BEND4: variants seen among roughly 807,000 people sequenced by gnomAD.
BEND4 encodes BEN domain containing 4, also known as BEN domain-containing protein 4.
A neutral mutation model predicts 54.7 loss-of-function variants in BEND4; 27 were observed. The ratio of observed to expected loss-of-function variants is 0.49; its 90% CI spans 0.36 to 0.68. The LOEUF (loss-of-function observed/expected upper bound fraction) is 0.68, where lower values mean the gene tolerates loss of function less well. BEND4 is among the 30% of genes least tolerant of loss of function. The pLI is 0.00. For synonymous variants in BEND4, 327 were observed against 299.5 expected, an observed-to-expected ratio of 1.09 and a Z score of -0.95; for missense variants, 702 against 697.2, an observed-to-expected ratio of 1.01 and a Z score of -0.08.
chr4:42,128,481 G>A (rs772402360), intron 3 of BEND4, among the ~76,000 whole-genome samples: 10 of 152,102 alleles, frequency 6.6e-5, no homozygotes, highest in Admixed American at 2.0e-4. Flanking sequence ...AAAATTAGCC[G>A]GGTGTGGTGG....
intron 3 of BEND4, among the ~76,000 whole-genome samples, chr4:42,129,677 C>A (rs1720432054): frequency 6.6e-6 from 1 of 152,134 alleles, no homozygotes. Flanking sequence ...TAGCCATATG[C>A]AGAAAACTGA....
intron 3 of BEND4, among the ~76,000 whole-genome samples, chr4:42,126,734 G>A (rs989431885): frequency 3.5e-4 from 54 of 152,222 alleles, no homozygotes; most frequent in African/African-American, 1.3e-3. Flanking sequence ...AGCTTAGGCC[G>A]GGCGTGGTGG....
chr4:42,120,394 G>A (rs1720011688), intron 4 of BEND4, 100 bp from the exon 5 acceptor site: 2 of 1,434,894 alleles, frequency 1.4e-6, no homozygotes, highest in East Asian at 2.3e-5. Context: ...TTAACCAAGT[G>A]GCTATGCTGA....
At chr4:42,128,766 T>TACAAACAA (rs144267530) in intron 3 of BEND4, among the ~76,000 whole-genome samples, 5 of 150,306 alleles carry the variant, frequency 3.3e-5, no homozygotes, top group African/African-American at 7.4e-5. Flanking sequence ...CTACTAAAAA[T>TACAAACAA]ACAAACAAAC....
chr4:42,138,862 T>C (rs1235913454), intron 3 of BEND4, among the ~76,000 whole-genome samples: 1 of 152,238 alleles, frequency 6.6e-6, no homozygotes, highest in Non-Finnish European at 1.5e-5. Context: ...TTTTCACATT[T>C]AGTATCTATG....
intron 5 of BEND4, among the ~76,000 whole-genome samples, chr4:42,119,458 C>G (rs1719976578): frequency 1.3e-5 from 2 of 152,176 alleles, no homozygotes; most frequent in African/African-American, 4.8e-5. Context: ...ACCCCTCTGC[C>G]TGGCCTACAA....
At chr4:42,142,325 A>C (rs943934555) in intron 3 of BEND4, among the ~76,000 whole-genome samples, 90 of 151,626 alleles carry the variant, frequency 5.9e-4, no homozygotes, top group African/African-American at 2.0e-3. Flanking sequence ...ATTCAAAGAT[A>C]AAAGTAAAAT....
chr4:42,118,510 T>C (rs1484023485), intron 5 of BEND4, among the ~76,000 whole-genome samples: 2 of 152,186 alleles, frequency 1.3e-5, no homozygotes, highest in African/African-American at 4.8e-5. Flanking sequence ...CAGTCTCTGG[T>C]TAGGCAGCCT....
intron 5 of BEND4, among the ~76,000 whole-genome samples, chr4:42,118,447 C>T (rs1719929939): frequency 6.6e-6 from 1 of 152,112 alleles, no homozygotes; most frequent in Non-Finnish European, 1.5e-5. Context: ...CAACCAAAAG[C>T]GGGATGGAGG....
intron 3 of BEND4, among the ~76,000 whole-genome samples, chr4:42,127,781 T>A (rs535973993): frequency 9.2e-5 from 14 of 152,282 alleles, no homozygotes; most frequent in East Asian, 5.8e-4. Context: ...CTACCTTGGA[T>A]TTTGCTTGGA....
chr4:42,144,716 A>G (rs1721017916), intron 2 of BEND4, among the ~76,000 whole-genome samples: 2 of 152,206 alleles, frequency 1.3e-5, no homozygotes, highest in Non-Finnish European at 2.9e-5. Flanking sequence ...CTTCCAGTAG[A>G]TTGCCAAATA....
intron 3 of BEND4, among the ~76,000 whole-genome samples, chr4:42,134,805 A>T (rs1720640029): frequency 1.3e-5 from 2 of 152,176 alleles, no homozygotes; most frequent in South Asian, 4.1e-4. Context: ...GTATGTTCTT[A>T]GGTTGAAAGG....
rs561742893 is a variant in BEND4 at position 42,143,285 on chromosome 4, T to C, written c.1054+143A>G. 236 of 747,376 alleles carry C rather than the reference T, an allele frequency of 3.2e-4. 1 individual carries two copies. The African/African-American group carries it at 3.9e-3, about 12-fold the overall frequency. 46.3% of individuals were successfully genotyped at this position (747,376 alleles called of 1,614,324 possible). The stretch of plus-strand genomic sequence containing the variant: ...TGAGCATGTCTGTTTTTTCCAACTT[T>C]TCTACATCACTGGCCAAAAAACAAA... On this transcript the variant is annotated intron_variant, in intron 3 of 5. Coordinates refer to ENST00000502486, the MANE Select transcript of BEND4 (RefSeq NM_207406.4).
At chr4:42,134,885 A>G (rs1720642648) in intron 3 of BEND4, among the ~76,000 whole-genome samples, 1 of 152,196 alleles carries the variant, frequency 6.6e-6, no homozygotes, top group Admixed American at 6.5e-5. Context: ...AAACTGTCCA[A>G]TGGGGTTGGA....
chr4:42,138,865 T>TA (rs1323486457), intron 3 of BEND4, among the ~76,000 whole-genome samples: 13 of 152,236 alleles, frequency 8.5e-5, no homozygotes, highest in Admixed American at 8.5e-4. Context: ...TCACATTTAG[T>TA]ATCTATGGAC....
rs566816103 is a variant in BEND4 at position 42,112,085 on chromosome 4, A to C, written c.*5433T>G. 1 of 152,330 alleles carries C rather than the reference A, an allele frequency of 6.6e-6. No homozygotes were observed. Among genetic ancestry groups the C allele is most frequent in the African/African-American group, 2.4e-5 (1 of 41,568 alleles). The allele number at this position is 152,330 out of a possible 1,614,324, so 9.4% of individuals were successfully genotyped here. Reference sequence around the variant, plus strand: ...CAAATATCAACTCTCCCTTGATGGCATAAATAAAACAACAAATCCATTCCA... The same window carrying C: ...CAAATATCAACTCTCCCTTGATGGCCTAAATAAAACAACAAATCCATTCCA... On this transcript the variant is annotated 3_prime_UTR_variant, in exon 6 of 6. Transcript: ENST00000502486.
intron 3 of BEND4, among the ~76,000 whole-genome samples, chr4:42,135,568 C>T (rs921408288): frequency 6.6e-6 from 1 of 151,906 alleles, no homozygotes; most frequent in African/African-American, 2.4e-5. Flanking sequence ...GTCAGGAGAT[C>T]GAGACCATCC....
At position 42,117,634 on chromosome 4, in the gene BEND4, C is replaced by A; in HGVS notation, c.1489G>T (p.Gly497Trp). 2 of 1,612,268 alleles carry A rather than the reference C, an allele frequency of 1.2e-6. No individual in the cohort carries two copies. Among genetic ancestry groups the A allele is most frequent in the Non-Finnish European group, 1.7e-6 (2 of 1,179,004 alleles). ...TGCAGGAAAGTCCCCACCGCCCGCC[C>A]CTGTCGGGCGTGACCGACAGCGTCG... is the stretch of plus-strand genomic sequence containing the variant. Reference protein sequence around the residue: ...FSDAVGHARQGRAVGTFLHNG... With the variant: ...FSDAVGHARQWRAVGTFLHNG... Residue 497 changes from glycine (G) to tryptophan (W), a missense_variant, in exon 6 of 6, where the codon GGG becomes TGG. Physicochemically the swap from Gly to Trp is radical, Grantham distance 184 (BLOSUM62 -2). Transcript: ENST00000502486.
At chr4:42,138,999 T>G (rs1260740804) in intron 3 of BEND4, among the ~76,000 whole-genome samples, 2 of 152,152 alleles carry the variant, frequency 1.3e-5, no homozygotes, top group African/African-American at 4.8e-5. Context: ...ATATTTGCCC[T>G]CTTTTATGAG....
Sources: allele counts gnomAD v4.1 joint callset (sites outside exome capture counted in the v4.1 genomes callset), GRCh38; gene constraint gnomAD v4.1.1; transcripts MANE v1.5; gene names NCBI Gene and HGNC (gene_info 2026-07-23, HGNC 2026-07-21).